INTS9: variants seen among roughly 807,000 people sequenced by gnomAD.
INTS9 encodes protein related to CPSF subunits of 74 kDa.
Under a neutral mutation model 79.7 loss-of-function variants are expected in INTS9, and 55 were observed. The observed-to-expected ratio is 0.69, with a 90% CI of 0.56 to 0.86. The LOEUF (loss-of-function observed/expected upper bound fraction) is 0.86, where lower values mean the gene tolerates loss of function less well. Among genes scored for constraint, INTS9 ranks in the 40% least tolerant of loss-of-function variants. INTS9 has a pLI of 0.00. For synonymous variants in INTS9, 319 were observed against 325.2 expected (o/e 0.98, Z 0.20); for missense variants, 721 against 831.5 (o/e 0.87, Z 1.64).
intron 4 of INTS9, among the ~76,000 whole-genome samples, chr8:28,842,853 T>A (rs544669070): frequency 6.6e-6 from 1 of 152,224 alleles, no homozygotes; most frequent in Non-Finnish European, 1.5e-5. Context: ...CAGATTTTCA[T>A]GATGTTCTAT....
chr8:28,805,751 TAACTC>T (rs1804771995), intron 8 of INTS9, among the ~76,000 whole-genome samples: 1 of 151,580 alleles, frequency 6.6e-6, no homozygotes, highest in South Asian at 2.1e-4. Context: ...AACTAAGAAA[TAACTC>T]AGAAGAATAA....
chr8:28,770,063 C>T lies in INTS9; in HGVS notation c.1663-37G>A, dbSNP rs1308045173. Reference sequence around the variant, plus strand: ...GGAAAGAGTGGCTTTCATGAGCTTCCTCTGAGCAGCAGGGGCCACCGCAGG... The same window carrying T: ...GGAAAGAGTGGCTTTCATGAGCTTCTTCTGAGCAGCAGGGGCCACCGCAGG... On this transcript the variant is annotated intron_variant, in intron 15 of 16. Transcript: ENST00000521022. 43 of 1,606,036 alleles carry T rather than the reference C, an allele frequency of 2.7e-5. No individual in the cohort carries two copies. In the East Asian group the frequency reaches 9.4e-4, roughly 35 times the overall value.
intron 1 of INTS9, among the ~76,000 whole-genome samples, chr8:28,869,881 T>G (rs1389438680): frequency 6.6e-6 from 1 of 152,052 alleles, no homozygotes; most frequent in Non-Finnish European, 1.5e-5. Context: ...TAACTGCCAC[T>G]TAGGGCTGCT....
At chr8:28,822,657 CT>C (rs1448890195) in intron 6 of INTS9, among the ~76,000 whole-genome samples, 1 of 152,096 alleles carries the variant, frequency 6.6e-6, no homozygotes, top group Non-Finnish European at 1.5e-5. Context: ...ATTCTAAAAG[CT>C]ATCATATGGG....
At chr8:28,861,146 C>T (rs1201893300) in intron 1 of INTS9, among the ~76,000 whole-genome samples, 1 of 152,178 alleles carries the variant, frequency 6.6e-6, no homozygotes, top group Non-Finnish European at 1.5e-5. Flanking sequence ...TTTAAAACTG[C>T]AATTGTCCTG....
chr8:28,770,920 T>C (rs1350501531), intron 15 of INTS9, 62 bp downstream of exon 15: 4 of 1,119,460 alleles, frequency 3.6e-6, no homozygotes, highest in South Asian at 1.3e-5. Flanking sequence ...ATATAATCTG[T>C]TAGGTGGTCT....
chr8:28,863,368 T>TCTCCATATCC (rs1165601343), intron 1 of INTS9, among the ~76,000 whole-genome samples: 1 of 152,188 alleles, frequency 6.6e-6, no homozygotes, highest in Non-Finnish European at 1.5e-5. Flanking sequence ...TACAGTTGGC[T>TCTCCATATCC]CTCCATATCC....
At chr8:28,889,619 G>A (rs1810489348) in intron 1 of INTS9, among the ~76,000 whole-genome samples, 2 of 152,136 alleles carry the variant, frequency 1.3e-5, no homozygotes, top group East Asian at 1.9e-4. Flanking sequence ...GCGAAGGACT[G>A]TGACAGTCAA....
chr8:28,788,890 A>G lies in INTS9; in HGVS notation c.1038-1001T>C, dbSNP rs114541615. 3.3e-3 allele frequency among the ~76,000 whole-genome samples: 505 copies of G among 152,380 alleles called. 5 individuals are homozygous for G. The highest frequency in any genetic ancestry group is 0.011 in the African/African-American group (462 of 41,594). On this transcript the variant is annotated intron_variant, in intron 10 of 16. Transcript: ENST00000521022. Reference sequence around the variant, plus strand: ...AAAGCAAATGTGGCAAAAAGTTCACAGTTGATAAATCAATATATGTGGGTG... The same window carrying G: ...AAAGCAAATGTGGCAAAAAGTTCACGGTTGATAAATCAATATATGTGGGTG...
intron 6 of INTS9, among the ~76,000 whole-genome samples, chr8:28,816,691 A>AT (rs1210709979): frequency 2.0e-5 from 3 of 146,556 alleles, no homozygotes; most frequent in Admixed American, 2.0e-4. Flanking sequence ...GCTGGGTCAA[A>AT]TGGTATTTCT....
rs757725093 is a variant in INTS9 at position 28,768,218 on chromosome 8, G to T, written c.1905C>A (p.Ile635=). The stretch of plus-strand genomic sequence containing the variant: ...TGAGCATCTCGTCATTGTCGCAGAT[G>T]ATATGGGTCGAGTCTTCTTCAATCT... ...LIQIEEDSTH[I]ICDNDEMLRV... The change falls in exon 17 of 17, where the codon ATC becomes ATA. Residue 635 remains isoleucine, a synonymous_variant. Transcript: ENST00000521022. 1 of 1,614,194 alleles carries T rather than the reference G, an allele frequency of 6.2e-7. No homozygotes were observed. The highest frequency in any genetic ancestry group is 8.5e-7 in the Non-Finnish European group (1 of 1,180,032).
chr8:28,876,361 G>A (rs1809386310), intron 1 of INTS9, among the ~76,000 whole-genome samples: 1 of 152,012 alleles, frequency 6.6e-6, no homozygotes, highest in Non-Finnish European at 1.5e-5. Flanking sequence ...TCTGGAAAGG[G>A]CTTACAAGAT....
At chr8:28,847,250 C>T (rs1347115786) in intron 3 of INTS9, among the ~76,000 whole-genome samples, 1 of 152,184 alleles carries the variant, frequency 6.6e-6, no homozygotes, top group African/African-American at 2.4e-5. Context: ...ATAACAAGCA[C>T]CTCCAGTGAT....
At chr8:28,862,346 T>C (rs1374205919) in intron 1 of INTS9, 27 of 469,142 alleles carry the variant, frequency 5.8e-5, no homozygotes, top group Non-Finnish European at 7.5e-5. Context: ...CTGCTGTGTG[T>C]GCTGCTTCAA....
At chr8:28,829,876 T>C (rs1398517734) in intron 6 of INTS9, among the ~76,000 whole-genome samples, 2 of 152,114 alleles carry the variant, frequency 1.3e-5, no homozygotes, top group Non-Finnish European at 2.9e-5. Flanking sequence ...CACATTCCCA[T>C]ATGGCCACGA....
At chr8:28,815,939 G>A (rs1805445561) in intron 6 of INTS9, among the ~76,000 whole-genome samples, 1 of 152,010 alleles carries the variant, frequency 6.6e-6, no homozygotes, top group Non-Finnish European at 1.5e-5. Context: ...ACATATTCTG[G>A]AAAATATTTA....
chr8:28,791,297 T>C lies in INTS9; in HGVS notation c.1037+2510A>G, dbSNP rs182936165. ...TCATTTCCTGCTTAGAATCCTCCAA[T>C]GAATCCCCCCCATGGACAGGATCCC... On this transcript the variant is annotated intron_variant, in intron 10 of 16. Transcript: ENST00000521022. Among the ~76,000 whole-genome samples, 211 of 152,266 alleles carry C rather than the reference T, an allele frequency of 1.4e-3. 2 individuals carry two copies. Among genetic ancestry groups the C allele is most frequent in the Admixed American group, 2.2e-3 (33 of 15,286 alleles).
Position 28,793,794 on chromosome 8 carries a change from A to C in INTS9, c.1037+13T>G, listed in dbSNP as rs184271535. 9,543 of 1,553,742 alleles carry C rather than the reference A, an allele frequency of 6.1e-3. 58 individuals carry two copies. The highest frequency in any genetic ancestry group is 6.8e-3 in the Non-Finnish European group (7,884 of 1,151,030). ...ATAAAATTCACAAAAAAAAAAAAAA[A>C]CCACGGACATACCACTCAGCAAAGA... is the stretch of plus-strand genomic sequence containing the variant. On this transcript the variant is annotated intron_variant, in intron 10 of 16. Transcript: ENST00000521022.
At chr8:28,771,236 C>A in intron 14 of INTS9, 156 bp from the exon 15 acceptor site, 1 of 683,630 alleles carries the variant, frequency 1.5e-6, no homozygotes, top group Non-Finnish European at 2.7e-6. Flanking sequence ...CTCTGTCGCC[C>A]AGGTGACACA....
Sources: gnomAD v4.1 joint callset for allele counts (sites outside exome capture counted in the v4.1 genomes callset) on GRCh38, gnomAD v4.1.1 for gene constraint, MANE v1.5 for transcripts, NCBI Gene and HGNC (gene_info 2026-07-23, HGNC 2026-07-21) for gene names.